MDC1: variants seen among roughly 807,000 people sequenced by gnomAD.
MDC1 encodes the protein mediator of DNA damage checkpoint 1, also known as mediator of DNA damage checkpoint protein 1.
A neutral mutation model predicts 142.5 loss-of-function variants in MDC1; 81 were observed. The observed-to-expected ratio is 0.57, with a 90% confidence interval of 0.47 to 0.68. MDC1 has a LOEUF of 0.68. Ranked by LOEUF, MDC1 falls within the 30% of genes least tolerant of loss-of-function variation. MDC1 has a pLI of 0.00. For missense variants in MDC1, 2,119 were observed against 2,547.9 expected (o/e 0.83, Z 3.62); for synonymous variants, 797 against 968.4 (o/e 0.82, Z 3.29).
intron 7 of MDC1, 78 bp from the exon 8 acceptor site, chr6:30,708,435 G>A: frequency 9.5e-7 from 1 of 1,057,998 alleles, no homozygotes; most frequent in Non-Finnish European, 1.4e-6. Flanking sequence ...GGAAGTACAG[G>A]TTGACATAAT....
At chr6:30,706,437 C>T (rs982799244) in intron 9 of MDC1, among the ~76,000 whole-genome samples, 12 of 151,478 alleles carry the variant, frequency 7.9e-5, no homozygotes, top group African/African-American at 2.2e-4. Flanking sequence ...CTGGCTAACA[C>T]GGTGAAACCC....
At position 30,709,961 on chromosome 6, in the gene MDC1, A is replaced by G. The variant is rs1774568229; in HGVS notation, c.2221+1451T>C. Among the ~76,000 whole-genome samples the G allele has an allele frequency of 6.6e-6, 1 of 152,078 alleles. No individual in the cohort carries two copies. The highest frequency in any genetic ancestry group is 2.4e-5 in the African/African-American group (1 of 41,392). ...CAGTGGCATGACCTCAGCTCACTGC[A>G]ACCTCTGCGTCTTAGGCAGCAATCC... On this transcript the variant is annotated intron_variant, in intron 7 of 14. Coordinates refer to ENST00000376406, the MANE Select transcript of MDC1 (RefSeq NM_014641.3). The surrounding 1 kb of genome is among the most constrained non-coding windows in gnomAD (Gnocchi z 4.2).
intron 5 of MDC1, 42 bp downstream of exon 5, chr6:30,711,832 C>A (rs752853999): frequency 7.1e-6 from 11 of 1,548,048 alleles, no homozygotes; most frequent in Non-Finnish European, 9.6e-6. Flanking sequence ...TGTTAGAACC[C>A]TGGTTGATTT....
intron 7 of MDC1, among the ~76,000 whole-genome samples, chr6:30,710,815 G>T (rs1774753055): frequency 6.6e-6 from 1 of 152,168 alleles, no homozygotes. Flanking sequence ...AGACATTGGG[G>T]GTGGGGGTTG....
intron 9 of MDC1, among the ~76,000 whole-genome samples, chr6:30,706,635 A>AT (rs1773896471): frequency 6.7e-6 from 1 of 149,880 alleles, no homozygotes; most frequent in Non-Finnish European, 1.5e-5. Context: ...AAAAAAAAAA[A>AT]AAAAAAAAAA....
At chr6:30,711,560 T>C (rs1774902492) in intron 6 of MDC1, 56 bp from the exon 7 acceptor site, 17 of 1,596,590 alleles carry the variant, frequency 1.1e-5, no homozygotes, top group Non-Finnish European at 1.5e-5. Context: ...TAGGGTTCCA[T>C]TCCTGGTCTC....
chr6:30,707,716 T>A lies in MDC1; in HGVS notation c.2863A>T (p.Ser955Cys). The change falls in exon 8 of 15, where the codon AGC (serine) becomes TGC (cysteine). Residue 955 changes from serine (S) to cysteine (C), a missense_variant. Ser to Cys is a moderately radical substitution (Grantham distance 112). Transcript: ENST00000376406. ...DTQRGEPEGG[S>C]QDQKGQASSP... The stretch of plus-strand genomic sequence containing the variant: ...GAGGCCTGCCCTTTCTGGTCCTGGC[T>A]CCCTCCCTCTGGCTCCCCTCTCTGT... 6.2e-7 allele frequency: 1 copy of A among 1,612,996 alleles called. No individual in the cohort carries two copies. The highest frequency in any genetic ancestry group is 1.6e-4 in the Middle Eastern group (1 of 6,062).
At position 30,708,179 on chromosome 6, in the gene MDC1, C is replaced by T. The variant is rs1774229571; in HGVS notation, c.2400G>A (p.Met800Ile). ...HPESPVHTEP[M>I]GIQGRGRQTV... ...TCTGCCTCCCTCTGCCTTGAATCCC[C>T]ATTGGCTCTGTGTGAACTGGGCTCT... Residue 800 changes from methionine to isoleucine, a missense_variant, in exon 8 of 15, where the codon ATG becomes ATA. Coordinates refer to ENST00000376406, the MANE Select transcript of MDC1 (RefSeq NM_014641.3). 1 of 1,613,182 alleles carries T rather than the reference C, an allele frequency of 6.2e-7. No individual in the cohort carries two copies. The highest frequency in any genetic ancestry group is 1.3e-5 in the African/African-American group (1 of 75,064).
intron 14 of MDC1, 105 bp downstream of exon 14, chr6:30,702,448 A>G: frequency 1.2e-6 from 1 of 865,326 alleles, no homozygotes. Flanking sequence ...ACTACTTTAT[A>G]TTCCTTTCTG....
At position 30,715,134 on chromosome 6, in the gene MDC1, CTCT is replaced by C; in HGVS notation, c.39_41del (p.Glu16del). Reference sequence around the variant, plus strand: ...ATTCACTGGATTGCTCTGTCTCCTCCTCTTCTTCAACATCCCAGTCAATAGCCT... The same window carrying C: ...ATTCACTGGATTGCTCTGTCTCCTCCTCTTCAACATCCCAGTCAATAGCCT... On this transcript the variant is annotated inframe_deletion, in exon 2 of 15. Coordinates refer to ENST00000376406, the MANE Select transcript of MDC1 (RefSeq NM_014641.3). This position sits in a 1 kb window ranked among gnomAD's most constrained non-coding sequence, Gnocchi z 4.1. 6.2e-7 allele frequency: 1 copy of C among 1,614,218 alleles called. No individual in the cohort carries two copies. Among genetic ancestry groups the C allele is most frequent in the Non-Finnish European group, 8.5e-7 (1 of 1,180,036 alleles).
chr6:30,713,611 T>G lies in MDC1; in HGVS notation c.587+37A>C. ...TCCTCCAGCCCCTGGTTCTTCCTCA[T>G]TTTGAAGACTCAGGTGTCTGACTCT... On this transcript the variant is annotated intron_variant, in intron 4 of 14. Coordinates refer to ENST00000376406, the MANE Select transcript of MDC1 (RefSeq NM_014641.3). The surrounding 1 kb of genome is among the most constrained non-coding windows in gnomAD (Gnocchi z 4.9). 1.3e-6 allele frequency: 2 copies of G among 1,586,218 alleles called. No homozygotes were observed. The highest frequency in any genetic ancestry group is 1.7e-6 in the Non-Finnish European group (2 of 1,158,426).
At chr6:30,700,689 C>G in intron 14 of MDC1, 57 bp from the exon 15 acceptor site, 2 of 1,578,640 alleles carry the variant, frequency 1.3e-6, no homozygotes, top group South Asian at 2.2e-5. Flanking sequence ...GAAATGGGTT[C>G]AGGACCCACT....
At chr6:30,706,837 C>T (rs549508913) in intron 9 of MDC1, among the ~76,000 whole-genome samples, 1 of 151,194 alleles carries the variant, frequency 6.6e-6, no homozygotes, top group African/African-American at 2.4e-5. Context: ...GGGTGACATG[C>T]GCCTGTAGTC....
At chr6:30,706,124 G>A (rs1406608988) in intron 9 of MDC1, 26 bp from the exon 10 acceptor site, 7 of 1,521,630 alleles carry the variant, frequency 4.6e-6, no homozygotes, top group Admixed American at 2.1e-5. Context: ...AGCAAGTGAG[G>A]GGGAGGAGGT....
rs1773288918 is a variant in MDC1, at chr6:30,704,198, G to A, written c.4985C>T (p.Pro1662Leu). The A allele has an allele frequency of 1.2e-6, 2 of 1,613,680 alleles. No individual in the cohort carries two copies. Among genetic ancestry groups the A allele is most frequent in the Non-Finnish European group, 1.7e-6 (2 of 1,179,866 alleles). Reference protein sequence around the residue: ...PVEPAASDLEPFTPTDQSVTP... With the variant: ...PVEPAASDLELFTPTDQSVTP... ...GACGGACTGGTCTGTGGGGGTAAAA[G>A]GCTCAAGATCAGAGGCTGCTGGTTC... is the stretch of plus-strand genomic sequence containing the variant. Residue 1662 changes from proline to leucine, a missense_variant, in exon 10 of 15, where the codon CCT becomes CTT. Transcript: ENST00000376406.
rs781383219 is a variant in MDC1 at position 30,704,145 on chromosome 6, G to C, written c.5038C>G (p.Gln1680Glu). The C allele has an allele frequency of 3.7e-6, 6 of 1,613,616 alleles. No individual in the cohort carries two copies. The highest frequency in any genetic ancestry group is 1.3e-5 in the African/African-American group (1 of 74,916). ...VTPEAIAQGG[Q>E]SKTLRSSTVR... ...GTGGAAGACCTCAGTGTTTTGCTCT[G>C]ACCACCCTGAGCTATGGCCTCAGGG... Residue 1680 changes from glutamine to glutamate, a missense_variant, in exon 10 of 15, where the codon CAG (glutamine) becomes GAG (glutamate). Physicochemically the swap from Gln to Glu is conservative, Grantham distance 29. Coordinates refer to ENST00000376406, the MANE Select transcript of MDC1 (RefSeq NM_014641.3).
In MDC1 at chr6:30,715,140, T is replaced by C; in HGVS notation, c.36A>G (p.Glu12=). Residue 12 remains glutamate, a synonymous_variant, in exon 2 of 15, where the codon GAA becomes GAG. Coordinates refer to ENST00000376406, the MANE Select transcript of MDC1 (RefSeq NM_014641.3). The surrounding 1 kb of genome is among the most constrained non-coding windows in gnomAD (Gnocchi z 4.1). ...EDTQAIDWDV[E]EEEETEQSSE... ...TGGATTGCTCTGTCTCCTCCTCTTC[T>C]TCAACATCCCAGTCAATAGCCTGGG... 6.2e-7 allele frequency: 1 copy of C among 1,614,192 alleles called. No homozygotes were observed. Among genetic ancestry groups the C allele is most frequent in the Non-Finnish European group, 8.5e-7 (1 of 1,180,032 alleles).
intron 2 of MDC1, 118 bp downstream of exon 2, chr6:30,714,922 T>C (rs368578292): frequency 3.3e-5 from 38 of 1,159,786 alleles, no homozygotes; most frequent in Middle Eastern, 2.7e-4. Context: ...CTTCCATTCA[T>C]GAAAAAAAAA....
chr6:30,700,383 C>A lies in MDC1; in HGVS notation c.*82G>T. 2.7e-6 allele frequency: 4 copies of A among 1,460,862 alleles called. No individual in the cohort carries two copies. In the Admixed American group the frequency reaches 7.8e-5, roughly 28 times the overall value. The allele number at this position is 1,460,862 out of a possible 1,614,324, so 90.5% of individuals were successfully genotyped here. Reference sequence around the variant, plus strand: ...CCAGGACAAGTTGTATCAATATACCCCAATCCTTTCTAACGCCCTGAGTTC... The same window carrying A: ...CCAGGACAAGTTGTATCAATATACCACAATCCTTTCTAACGCCCTGAGTTC... On this transcript the variant is annotated 3_prime_UTR_variant, in exon 15 of 15. Transcript: ENST00000376406.
Sources: allele counts gnomAD v4.1 joint callset (sites outside exome capture counted in the v4.1 genomes callset), GRCh38; gene constraint gnomAD v4.1.1; non-coding constraint Gnocchi (gnomAD v3.1); transcripts MANE v1.5; gene names NCBI Gene and HGNC (gene_info 2026-07-23, HGNC 2026-07-21).